The following ATP11A variants were observed in gnomAD, a reference collection of about 807,000 sequenced individuals.
ATP11A encodes phospholipid-transporting ATPase IH.
In ATP11A, 81 loss-of-function variants were observed where a neutral mutation model predicts 154.4. That is an observed-to-expected ratio of 0.52 (90% CI 0.44 to 0.63). The LOEUF (loss-of-function observed/expected upper bound fraction) is 0.63. Ranked by LOEUF, ATP11A falls within the 30% of genes least tolerant of loss-of-function variation. The pLI is 0.00. For synonymous variants in ATP11A, 623 were observed against 585.9 expected (o/e 1.06, Z -0.91); for missense variants, 1,316 against 1,474.3 (o/e 0.89, Z 1.76).
At chr13:112,798,058 G>A (rs2078045775) in intron 2 of ATP11A, among the ~76,000 whole-genome samples, 1 of 152,144 alleles carries the variant, frequency 6.6e-6, no homozygotes, top group Non-Finnish European at 1.5e-5. Flanking sequence ...GTGTCCTTAT[G>A]TGGCAGAAGG....
In ATP11A at chr13:112,690,468, G is replaced by C. The variant is rs775152145; in HGVS notation, c.39+13G>C. The C allele has an allele frequency of 7.5e-6, 10 of 1,342,070 alleles. No homozygotes were observed. Among genetic ancestry groups the C allele is most frequent in the East Asian group, 2.9e-5 (1 of 34,848 alleles). The allele number at this position is 1,342,070 out of a possible 1,614,324, so 83.1% of individuals were successfully genotyped here. On this transcript the variant is annotated intron_variant, in intron 1 of 29. Coordinates refer to ENST00000375645, the MANE Select transcript of ATP11A (RefSeq NM_015205.3). The surrounding 1 kb of genome is among the most constrained non-coding windows in gnomAD (Gnocchi z 5.6). ...CGTGCACAGATACGTGAGTGCTCCCGGCGCGGGCTGGGGGACCCGGGGACC... is the reference window on the plus strand; with the variant it reads ...CGTGCACAGATACGTGAGTGCTCCCCGCGCGGGCTGGGGGACCCGGGGACC...
intron 1 of ATP11A, among the ~76,000 whole-genome samples, chr13:112,691,338 C>T (rs1566331052): frequency 1.3e-5 from 2 of 152,018 alleles, no homozygotes; most frequent in East Asian, 3.9e-4. Flanking sequence ...GTGGTAGGCG[C>T]CTGGGATCCC....
intron 12 of ATP11A, among the ~76,000 whole-genome samples, chr13:112,830,324 C>T (rs1287705678): frequency 6.6e-6 from 1 of 152,116 alleles, no homozygotes; most frequent in East Asian, 1.9e-4. Context: ...CCTGTAATCC[C>T]AACACTTTGG....
At position 112,886,933 on chromosome 13, in the gene ATP11A, T is replaced by A. The variant is rs2080988757; in HGVS notation, c.*5067T>A. 1 of 152,258 alleles carries A rather than the reference T, an allele frequency of 6.6e-6. No individual in the cohort carries two copies. Among genetic ancestry groups the A allele is most frequent in the Non-Finnish European group, 1.5e-5 (1 of 68,044 alleles). The allele number at this position is 152,258 out of a possible 1,614,324, so 9.4% of individuals were successfully genotyped here. A position where few individuals can be genotyped will look rare whatever the true frequency, so the allele number is the denominator to read the frequency against. ...ATAAATCAGTCTCCACACAGTAACA[T>A]TTAACTGATAATTCATTAATCAGCT... is the stretch of plus-strand genomic sequence containing the variant. On this transcript the variant is annotated 3_prime_UTR_variant, in exon 30 of 30. Coordinates refer to ENST00000375645, the MANE Select transcript of ATP11A (RefSeq NM_015205.3).
At chr13:112,847,532 G>A (rs1317854317) in intron 17 of ATP11A, among the ~76,000 whole-genome samples, 1 of 152,216 alleles carries the variant, frequency 6.6e-6, no homozygotes, top group Non-Finnish European at 1.5e-5. Context: ...CCCACTGAGT[G>A]ATACTGACAC....
At chr13:112,763,215 A>G (rs1041778502) in intron 1 of ATP11A, among the ~76,000 whole-genome samples, 1 of 152,170 alleles carries the variant, frequency 6.6e-6, no homozygotes, top group Non-Finnish European at 1.5e-5. Context: ...CAAAATTCTA[A>G]GCCCCCAACC....
At chr13:112,833,230 G>T (rs541407012) in intron 14 of ATP11A, among the ~76,000 whole-genome samples, 1 of 152,062 alleles carries the variant, frequency 6.6e-6, no homozygotes. Context: ...GGTCCCCGGC[G>T]CGTGAGTCTT....
intron 29 of ATP11A, chr13:112,878,547 G>C (rs1381890784): frequency 1.7e-6 from 1 of 574,350 alleles, no homozygotes; most frequent in Non-Finnish European, 3.1e-6. Context: ...TGCAGCCTCA[G>C]AACCCACCTG....
intron 1 of ATP11A, chr13:112,747,076 T>C (rs1892249168): frequency 6.6e-6 from 1 of 151,936 alleles, no homozygotes; most frequent in Admixed American, 6.6e-5. Context: ...GTAGAGGGTG[T>C]TACCGAGATG....
chr13:112,725,746 A>G (rs1594433290), intron 1 of ATP11A, among the ~76,000 whole-genome samples: 1 of 152,304 alleles, frequency 6.6e-6, no homozygotes, highest in Admixed American at 6.5e-5. Context: ...AGAAGCTTCT[A>G]TTTGTGGAGG....
In ATP11A at chr13:112,882,976, C is replaced by T. The variant is rs924335208; in HGVS notation, c.*1110C>T. Reference sequence around the variant, plus strand: ...TCTGCCCGCCTCCCGCACTGCAGCTCCGCCCGCCGGGCTCTGCGTCCCCAC... The same window carrying T: ...TCTGCCCGCCTCCCGCACTGCAGCTTCGCCCGCCGGGCTCTGCGTCCCCAC... On this transcript the variant is annotated 3_prime_UTR_variant, in exon 30 of 30. Transcript: ENST00000375645. This position sits in a 1 kb window ranked among gnomAD's most constrained non-coding sequence, Gnocchi z 5.1. 4 of 399,236 alleles carry T rather than the reference C, an allele frequency of 1.0e-5. No homozygotes were observed. The highest frequency in any genetic ancestry group is 8.2e-5 in the African/African-American group (4 of 48,612). 24.7% of individuals were successfully genotyped at this position (399,236 alleles called of 1,614,324 possible).
At chr13:112,777,697 G>A (rs10162181) in intron 1 of ATP11A, among the ~76,000 whole-genome samples, 3,842 of 152,300 alleles carry the variant, frequency 0.025, 161 homozygotes, top group African/African-American at 0.088. Flanking sequence ...GCCCCTCTGC[G>A]AAGCCCCCTC....
chr13:112,863,586 G>A (rs1317818084), intron 25 of ATP11A, among the ~76,000 whole-genome samples: 6 of 129,850 alleles, frequency 4.6e-5, no homozygotes, highest in African/African-American at 5.9e-5. Flanking sequence ...AATTCAGTGC[G>A]GCCCATGCAG....
intron 1 of ATP11A, among the ~76,000 whole-genome samples, chr13:112,759,781 G>A (rs892876401): frequency 3.9e-5 from 6 of 152,036 alleles, no homozygotes; most frequent in East Asian, 1.9e-4. Flanking sequence ...AGTCAATTCC[G>A]AAATGGCAAA....
intron 1 of ATP11A, among the ~76,000 whole-genome samples, chr13:112,758,815 GCA>G (rs2076902480): frequency 6.6e-6 from 1 of 152,156 alleles, no homozygotes. Context: ...CAATTTTCCT[GCA>G]CAGTTACATT....
intron 1 of ATP11A, among the ~76,000 whole-genome samples, chr13:112,732,243 T>A (rs1283346439): frequency 6.6e-6 from 1 of 152,192 alleles, no homozygotes; most frequent in Non-Finnish European, 1.5e-5. Context: ...ACTTTAAACG[T>A]TTCTAAGTTA....
At chr13:112,819,776 T>C in intron 7 of ATP11A, 124 bp from the exon 8 acceptor site, 1 of 990,966 alleles carries the variant, frequency 1.0e-6, no homozygotes, top group Non-Finnish European at 1.6e-6. Context: ...GCGGGGCTGC[T>C]TTAGCCGCAC....
chr13:112,815,109 C>G (rs1194692140), intron 5 of ATP11A, among the ~76,000 whole-genome samples: 1 of 152,240 alleles, frequency 6.6e-6, no homozygotes, highest in Non-Finnish European at 1.5e-5. Context: ...CAGTGACTCA[C>G]TCAAGGGTTC....
intron 2 of ATP11A, among the ~76,000 whole-genome samples, chr13:112,794,377 G>A (rs571875586): frequency 1.2e-4 from 18 of 152,196 alleles, no homozygotes; most frequent in Non-Finnish European, 1.9e-4. Context: ...ATTGTATCCC[G>A]ATGGTACTGC....
Sources: allele counts gnomAD v4.1 joint callset (sites outside exome capture counted in the v4.1 genomes callset), GRCh38; gene constraint gnomAD v4.1.1; non-coding constraint Gnocchi (gnomAD v3.1); transcripts MANE v1.5; gene names NCBI Gene and HGNC (gene_info 2026-07-23, HGNC 2026-07-21).